RARB: variants seen among roughly 807,000 people sequenced by gnomAD.
RARB encodes the protein retinoic acid receptor beta.
A neutral mutation model predicts 51.9 loss-of-function variants in RARB; 17 were observed. That is an observed-to-expected ratio of 0.33 (90% CI 0.22 to 0.49). RARB has a LOEUF of 0.49. Ranked by LOEUF, RARB falls within the 20% of genes least tolerant of loss-of-function variation. The pLI is 0.99. For synonymous variants in RARB, 215 were observed against 195.4 expected (o/e 1.10, Z -0.84); for missense variants, 369 against 550.8 (o/e 0.67, Z 3.30).
intron 4 of RARB, among the ~76,000 whole-genome samples, chr3:25,149,383 A>G (rs1700245961): frequency 6.6e-6 from 1 of 152,232 alleles, no homozygotes; most frequent in Non-Finnish European, 1.5e-5. Flanking sequence ...AACCTGTGGA[A>G]TAATATTTGG....
At chr3:25,434,729 A>C (rs1364864477) in intron 1 of RARB, among the ~76,000 whole-genome samples, 2 of 151,436 alleles carry the variant, frequency 1.3e-5, no homozygotes, top group African/African-American at 4.9e-5. Context: ...TTTAGTAGAG[A>C]TGGGGTTTCA....
chr3:25,104,749 C>T (rs1315843740), intron 3 of RARB, among the ~76,000 whole-genome samples: 1 of 152,172 alleles, frequency 6.6e-6, no homozygotes, highest in South Asian at 2.1e-4. Context: ...AGGATATACC[C>T]ACAACAGTAG....
At chr3:25,507,114 T>C (rs1307915816) in intron 3 of RARB, among the ~76,000 whole-genome samples, 1 of 152,254 alleles carries the variant, frequency 6.6e-6, no homozygotes, top group Admixed American at 6.5e-5. Flanking sequence ...AAACTTATTA[T>C]ATTATACAGA....
intron 4 of RARB, among the ~76,000 whole-genome samples, chr3:25,141,834 C>A (rs1012736254): frequency 1.3e-5 from 2 of 151,864 alleles, no homozygotes; most frequent in African/African-American, 4.8e-5. Flanking sequence ...GAAGTATCTC[C>A]CTCACCTTCT....
chr3:24,969,476 C>T (rs909622263), intron 2 of RARB, among the ~76,000 whole-genome samples: 3 of 152,076 alleles, frequency 2.0e-5, no homozygotes, highest in African/African-American at 7.2e-5. Flanking sequence ...TCTCTCTAGG[C>T]CAGCCGTTGT....
intron 2 of RARB, among the ~76,000 whole-genome samples, chr3:24,958,264 T>G (rs865821918): frequency 0.16 from 18,820 of 117,400 alleles, 1,633 homozygotes; most frequent in Non-Finnish European, 0.18. Context: ...GGTTTTTTTT[T>G]TTTTTTTTTT....
intron 2 of RARB, among the ~76,000 whole-genome samples, chr3:24,889,887 C>A (rs1703343917): frequency 6.7e-6 from 1 of 148,858 alleles, no homozygotes; most frequent in Non-Finnish European, 1.5e-5. Context: ...AAGAAGTTAC[C>A]TTCAGGATAA....
At chr3:25,497,521 T>C (rs1486561513) in intron 2 of RARB, among the ~76,000 whole-genome samples, 1 of 152,208 alleles carries the variant, frequency 6.6e-6, no homozygotes, top group Non-Finnish European at 1.5e-5. Context: ...CATCACTTCC[T>C]GGTGTGATGA....
intron 3 of RARB, among the ~76,000 whole-genome samples, chr3:25,128,966 A>T (rs1352298074): frequency 6.6e-6 from 1 of 152,156 alleles, no homozygotes; most frequent in Non-Finnish European, 1.5e-5. Context: ...AGTCAAAATG[A>T]TGACATCCAA....
intron 2 of RARB, among the ~76,000 whole-genome samples, chr3:25,015,056 T>A (rs1697479207): frequency 6.6e-6 from 1 of 152,204 alleles, no homozygotes; most frequent in Non-Finnish European, 1.5e-5. Context: ...TCAGGACTTT[T>A]CCACATTTTG....
chr3:25,491,706 C>T (rs944961322), intron 2 of RARB, among the ~76,000 whole-genome samples: 4 of 152,080 alleles, frequency 2.6e-5, no homozygotes, highest in Non-Finnish European at 4.4e-5. Flanking sequence ...TGTGGGAGAC[C>T]GAGGCAGGCA....
At chr3:25,078,926 G>C (rs1391193550) in intron 3 of RARB, among the ~76,000 whole-genome samples, 1 of 152,152 alleles carries the variant, frequency 6.6e-6, no homozygotes, top group African/African-American at 2.4e-5. Context: ...CTCTACAAAG[G>C]AGCCTGTTGA....
chr3:25,490,888 A>G lies in RARB; in HGVS notation c.307-10294A>G, dbSNP rs139175826. 5.3e-5 allele frequency among the ~76,000 whole-genome samples: 8 copies of G among 152,318 alleles called. No homozygotes were observed. The East Asian group carries it at 1.5e-3, about 29-fold the overall frequency. ...AGTTGGTTCAAATTCTCAGAACCAG[A>G]TTTAAAGAAAGCATGTGGAGAAGAG... On this transcript the variant is annotated intron_variant, in intron 2 of 7. Coordinates refer to ENST00000330688, the MANE Select transcript of RARB (RefSeq NM_000965.5).
chr3:25,422,319 C>T (rs1707883606), intron 5 of RARB, among the ~76,000 whole-genome samples: 1 of 152,186 alleles, frequency 6.6e-6, no homozygotes, highest in Admixed American at 6.5e-5. Flanking sequence ...AGCACTCTGT[C>T]AACTAAGTGG....
intron 5 of RARB, among the ~76,000 whole-genome samples, chr3:25,305,993 A>G (rs2125430245): frequency 6.6e-6 from 1 of 152,310 alleles, no homozygotes; most frequent in South Asian, 2.1e-4. Flanking sequence ...AATCTGCCAT[A>G]TAGAGAGCTT....
intron 5 of RARB, among the ~76,000 whole-genome samples, chr3:25,250,514 A>T (rs1381566550): frequency 6.6e-6 from 1 of 152,078 alleles, no homozygotes; most frequent in Non-Finnish European, 1.5e-5. Context: ...ATAGCATCTC[A>T]TGGCACTTGT....
chr3:25,493,753 C>G (rs1377433864), intron 2 of RARB, among the ~76,000 whole-genome samples: 2 of 152,162 alleles, frequency 1.3e-5, no homozygotes, highest in African/African-American at 2.4e-5. Flanking sequence ...TTCCCCTGAT[C>G]CAATGCTTTT....
chr3:25,273,393 G>A (rs917513206), intron 5 of RARB, among the ~76,000 whole-genome samples: 23 of 152,138 alleles, frequency 1.5e-4, no homozygotes, highest in African/African-American at 5.6e-4. Context: ...GGAAACTAAG[G>A]TGAAAGTTAT....
Position 25,589,829 on chromosome 3 carries a change from A to T in RARB, c.787-3674A>T, listed in dbSNP as rs532355466. ...AGCCTGGCCTAGGCTATTTTTACCC[A>T]TCTCGTGGGGCCTGCATGCCGGTCT... On this transcript the variant is annotated intron_variant, in intron 5 of 7. Coordinates refer to ENST00000330688, the MANE Select transcript of RARB (RefSeq NM_000965.5). Among the ~76,000 whole-genome samples the T allele has an allele frequency of 3.9e-5, 6 of 152,240 alleles. No homozygotes were observed. The South Asian group carries it at 1.2e-3, about 32-fold the overall frequency.
Sources: gnomAD v4.1 joint callset for allele counts (sites outside exome capture counted in the v4.1 genomes callset) on GRCh38, gnomAD v4.1.1 for gene constraint, MANE v1.5 for transcripts, NCBI Gene and HGNC (gene_info 2026-07-23, HGNC 2026-07-21) for gene names.